RBM25: variants seen among roughly 807,000 people sequenced by gnomAD.
RBM25 encodes RNA binding motif protein 25.
In RBM25, 19 loss-of-function variants were observed where a neutral mutation model predicts 120.7. That is an observed-to-expected ratio of 0.16 (90% CI 0.11 to 0.23). The LOEUF is 0.23. Ranked by LOEUF, RBM25 falls within the 10% of genes least tolerant of loss-of-function variation. The pLI is 1.00. For missense variants in RBM25, 605 were observed against 1,041.5 expected (o/e 0.58, Z 5.77); for synonymous variants, 390 against 326.7 (o/e 1.19, Z -2.09).
chr14:73,080,223 T>C (rs1039920571), intron 4 of RBM25, among the ~76,000 whole-genome samples: 5 of 123,170 alleles, frequency 4.1e-5, no homozygotes, highest in Non-Finnish European at 8.7e-5. Flanking sequence ...CTTTTTTTTT[T>C]TTTTTTTTTT....
chr14:73,099,367 G>A lies in RBM25; in HGVS notation c.730-13G>A. 1 of 1,595,082 alleles carries A rather than the reference G, an allele frequency of 6.3e-7. No individual in the cohort carries two copies. The highest frequency in any genetic ancestry group is 1.1e-5 in the South Asian group (1 of 87,042). ...TCTTTTTTAAAAAAGATTCTTGGTG[G>A]ATTTTTTCACAGATTTTCCGCAGAT... On this transcript the variant is annotated splice_polypyrimidine_tract_variant and intron_variant, in intron 7 of 18. Coordinates refer to ENST00000261973, the MANE Select transcript of RBM25 (RefSeq NM_021239.3).
chr14:73,110,801 T>G, intron 14 of RBM25, 30 bp from the exon 15 acceptor site: 2 of 1,579,204 alleles, frequency 1.3e-6, no homozygotes, highest in Non-Finnish European at 1.7e-6. Context: ...TGTAGAGTTG[T>G]AGTTAATCAG....
intron 1 of RBM25, among the ~76,000 whole-genome samples, chr14:73,065,902 A>G (rs1172916132): frequency 2.0e-5 from 3 of 151,902 alleles, no homozygotes; most frequent in African/African-American, 7.3e-5. Flanking sequence ...TTATTGGGGG[A>G]AAAGTGGTTT....
At position 73,077,446 on chromosome 14, in the gene RBM25, A is replaced by G; in HGVS notation, c.234A>G (p.Glu78=). Residue 78 remains glutamate, a synonymous_variant, in exon 4 of 19, where the codon GAA becomes GAG. Coordinates refer to ENST00000261973, the MANE Select transcript of RBM25 (RefSeq NM_021239.3). The part of the protein sequence containing the change: ...RKDHPGLKAK[E]NDENCGPTTT... ...ATCATCCAGGCTTAAAGGCTAAAGA[A>G]AATGATGAAAATTGTGGTCCTACTA... The G allele has an allele frequency of 1.2e-6, 2 of 1,614,020 alleles. No homozygotes were observed. Among genetic ancestry groups the G allele is most frequent in the Non-Finnish European group, 1.7e-6 (2 of 1,179,914 alleles).
At chr14:73,082,916 A>AC (rs1011664641) in intron 4 of RBM25, among the ~76,000 whole-genome samples, 2 of 151,518 alleles carry the variant, frequency 1.3e-5, no homozygotes, top group Non-Finnish European at 2.9e-5. Flanking sequence ...ATAAAAAAAA[A>AC]AAAACAAAAA....
At position 73,121,552 on chromosome 14, in the gene RBM25, A is replaced by G. The variant is rs560574003; in HGVS notation, c.*1747A>G. ...GGTTTCTCAACGGAAAATTTCAGAAAAGATGCCCCTTGCCATTTTCGTTAA... is the reference window on the plus strand; with the variant it reads ...GGTTTCTCAACGGAAAATTTCAGAAGAGATGCCCCTTGCCATTTTCGTTAA... On this transcript the variant is annotated 3_prime_UTR_variant, in exon 19 of 19. Coordinates refer to ENST00000261973, the MANE Select transcript of RBM25 (RefSeq NM_021239.3). 6.6e-6 allele frequency: 1 copy of G among 152,342 alleles called. No individual in the cohort carries two copies. Among genetic ancestry groups the G allele is most frequent in the Middle Eastern group, 3.4e-3 (1 of 294 alleles). The allele number at this position is 152,342 out of a possible 1,614,324, so 9.4% of individuals were successfully genotyped here. A position where few individuals can be genotyped will look rare whatever the true frequency, so the allele number is the denominator to read the frequency against.
In RBM25 at chr14:73,076,351, A is replaced by G; in HGVS notation, c.139A>G (p.Met47Val). 6.2e-7 allele frequency: 1 copy of G among 1,612,696 alleles called. No individual in the cohort carries two copies. The highest frequency in any genetic ancestry group is 8.5e-7 in the Non-Finnish European group (1 of 1,178,780). ...AATGATTCCTGTACCAATGAGCATT[A>G]TGGCTCCTGCTCCAACTGTAAGTAT... ...TPMIPVPMSI[M>V]APAPTVLVPT... The change falls in exon 3 of 19, where the codon ATG (methionine) becomes GTG (valine). Residue 47 changes from methionine to valine, a missense_variant. Met to Val is a conservative substitution (Grantham distance 21). Transcript: ENST00000261973.
rs1896559626 is a variant in RBM25, at chr14:73,122,818, C to T, written c.*3013C>T. 1 of 152,120 alleles carries T rather than the reference C, an allele frequency of 6.6e-6. No individual in the cohort carries two copies. The allele number at this position is 152,120 out of a possible 1,614,324, so 9.4% of individuals were successfully genotyped here. A position where few individuals can be genotyped will look rare whatever the true frequency, so the allele number is the denominator to read the frequency against. ...GCAGGCTTTGCATTTCTGGACAGCT[C>T]CCAGCTAATGTCATTGCCAACTGAT... On this transcript the variant is annotated 3_prime_UTR_variant, in exon 19 of 19. Transcript: ENST00000261973.
Position 73,103,408 on chromosome 14 carries a change from G to A in RBM25, c.1084G>A (p.Asp362Asn). The part of the protein sequence containing the change: ...DRTKERDRDR[D>N]RERDRDRDRE... Reference sequence around the variant, plus strand: ...GACAAAAGAGAGAGACCGAGATCGGGATCGAGAGAGAGATCGTGACCGGGA... The same window carrying A: ...GACAAAAGAGAGAGACCGAGATCGGAATCGAGAGAGAGATCGTGACCGGGA... Residue 362 changes from aspartate to asparagine, a missense_variant, in exon 10 of 19, where the codon GAT becomes AAT. Transcript: ENST00000261973. 6.2e-7 allele frequency: 1 copy of A among 1,613,724 alleles called. No individual in the cohort carries two copies. The highest frequency in any genetic ancestry group is 1.3e-5 in the African/African-American group (1 of 75,008).
At chr14:73,076,954 G>A (rs547355994) in intron 3 of RBM25, among the ~76,000 whole-genome samples, 6 of 152,294 alleles carry the variant, frequency 3.9e-5, no homozygotes, top group South Asian at 4.1e-4. Context: ...GGTGGTGCGC[G>A]CCTGTAATCT....
rs756622455 is a variant in RBM25 at position 73,120,057 on chromosome 14, G to A, written c.*252G>A. On this transcript the variant is annotated 3_prime_UTR_variant, in exon 19 of 19. Transcript: ENST00000261973. ...GTATGTTTTATAAGCCGCAGCTACT[G>A]TACACAGCCTATCTGATATAATCTT... 28 of 325,478 alleles carry A rather than the reference G, an allele frequency of 8.6e-5. No homozygotes were observed. Among genetic ancestry groups the A allele is most frequent in the Non-Finnish European group, 1.3e-4 (24 of 181,202 alleles). The allele number at this position is 325,478 out of a possible 1,614,324, so 20.2% of individuals were successfully genotyped here.
intron 1 of RBM25, among the ~76,000 whole-genome samples, chr14:73,069,374 G>A (rs1390716296): frequency 1.3e-5 from 2 of 152,150 alleles, no homozygotes; most frequent in African/African-American, 4.8e-5. Context: ...GGAAGTGGAA[G>A]ACTTAAACTT....
At chr14:73,062,876 A>G (rs949215476) in intron 1 of RBM25, among the ~76,000 whole-genome samples, 3 of 151,122 alleles carry the variant, frequency 2.0e-5, no homozygotes, top group African/African-American at 7.3e-5. Flanking sequence ...GCTTGAGTGC[A>G]GTGGTGTGAG....
At position 73,120,523 on chromosome 14, in the gene RBM25, T is replaced by C. The variant is rs1896521543; in HGVS notation, c.*718T>C. The C allele has an allele frequency of 6.6e-6, 1 of 152,628 alleles. No individual in the cohort carries two copies. The highest frequency in any genetic ancestry group is 2.4e-5 in the African/African-American group (1 of 41,464). The allele number at this position is 152,628 out of a possible 1,614,324, so 9.5% of individuals were successfully genotyped here. A position where few individuals can be genotyped will look rare whatever the true frequency, so the allele number is the denominator to read the frequency against. On this transcript the variant is annotated 3_prime_UTR_variant, in exon 19 of 19. Coordinates refer to ENST00000261973, the MANE Select transcript of RBM25 (RefSeq NM_021239.3). ...TCGTGTCGTGAGCAATGTGGTTTGC[T>C]AACTGGATGGGGTTTTCTTATTAAT... is the stretch of plus-strand genomic sequence containing the variant.
At chr14:73,072,749 A>G (rs1895324450) in intron 2 of RBM25, among the ~76,000 whole-genome samples, 1 of 152,218 alleles carries the variant, frequency 6.6e-6, no homozygotes, top group Admixed American at 6.5e-5. Flanking sequence ...CAGGAGTTCA[A>G]GTCCAAAGAG....
intron 4 of RBM25, among the ~76,000 whole-genome samples, chr14:73,080,784 A>G (rs148307676): frequency 4.7e-3 from 709 of 151,130 alleles, no homozygotes; most frequent in Non-Finnish European, 8.2e-3. Flanking sequence ...GTTATGTGCT[A>G]TGATTGTATT....
At chr14:73,070,341 G>A (rs28738862) in intron 1 of RBM25, among the ~76,000 whole-genome samples, 14,181 of 152,084 alleles carry the variant, frequency 0.093, 1,744 homozygotes, top group African/African-American at 0.29. Flanking sequence ...ACAGGCGTGA[G>A]CCACTGCAAC....
chr14:73,092,899 G>T (rs1895850939), intron 6 of RBM25, among the ~76,000 whole-genome samples: 1 of 152,196 alleles, frequency 6.6e-6, no homozygotes, highest in Non-Finnish European at 1.5e-5. Flanking sequence ...TTTTGCGCAT[G>T]TGTAAGGTGT....
At chr14:73,105,658 G>T (rs2079634690) in intron 10 of RBM25, among the ~76,000 whole-genome samples, 1 of 152,144 alleles carries the variant, frequency 6.6e-6, no homozygotes, top group African/African-American at 2.4e-5. Context: ...TTAGGTATTA[G>T]AATGCATTTT....
Sources: gnomAD v4.1 joint callset for allele counts (sites outside exome capture counted in the v4.1 genomes callset) on GRCh38, gnomAD v4.1.1 for gene constraint, MANE v1.5 for transcripts, NCBI Gene and HGNC (gene_info 2026-07-23, HGNC 2026-07-21) for gene names.